Variants in KIF5B observed in about 807,000 individuals in gnomAD.
The protein encoded by KIF5B is kinesin family member 5B.
In KIF5B, 49 loss-of-function variants were observed where a neutral mutation model predicts 132.8. The observed-to-expected ratio is 0.37, with a 90% CI of 0.29 to 0.47. The LOEUF (loss-of-function observed/expected upper bound fraction) is 0.47, where lower values mean the gene tolerates loss of function less well. Ranked by LOEUF, KIF5B falls within the 20% of genes least tolerant of loss-of-function variation. KIF5B has a pLI of 1.00. For missense variants in KIF5B, 780 were observed against 1,144.0 expected (o/e 0.68, Z 4.59); for synonymous variants, 355 against 369.4 (o/e 0.96, Z 0.45).
At position 32,031,293 on chromosome 10, in the gene KIF5B, A is replaced by C. The variant is rs1286050295; in HGVS notation, c.1375-14T>G. The C allele has an allele frequency of 6.2e-7, 1 of 1,604,998 alleles. No individual in the cohort carries two copies. Among genetic ancestry groups the C allele is most frequent in the African/African-American group, 1.3e-5 (1 of 74,628 alleles). On this transcript the variant is annotated splice_polypyrimidine_tract_variant and intron_variant, in intron 13 of 25. Transcript: ENST00000302418. ...AGATGCCAAAAGCTATAGGACAGAAAATAATTTATTTTCCCCAAAAGTATA... is the reference window on the plus strand; with the variant it reads ...AGATGCCAAAAGCTATAGGACAGAACATAATTTATTTTCCCCAAAAGTATA...
rs139198215 is a variant in KIF5B at position 32,016,788 on chromosome 10, G to A, written c.2761+355C>T. Among the ~76,000 whole-genome samples, 537 of 152,236 alleles carry A rather than the reference G, an allele frequency of 3.5e-3. 4 individuals are homozygous for A. The highest frequency in any genetic ancestry group is 0.012 in the African/African-American group (486 of 41,566). On this transcript the variant is annotated intron_variant, in intron 24 of 25. Coordinates refer to ENST00000302418, the MANE Select transcript of KIF5B (RefSeq NM_004521.3). ...TGACCTCAGGTGATCCACCCGCCTC[G>A]ACCTCCCAAAGTGTTGGGATTACAG...
rs1000927652 is a variant in KIF5B, at chr10:32,035,899, A to G, written c.807T>C (p.Ala269=). The change falls in exon 9 of 26, where the codon GCT becomes GCC. Residue 269 remains alanine (A), a synonymous_variant. Transcript: ENST00000302418. ...SALGNVISAL[A]EGSTYVPYRD... Reference sequence around the variant, plus strand: ...AGACATGTATACTCACACTACCCTCAGCCAAAGCAGAAATAACATTTCCAA... The same window carrying G: ...AGACATGTATACTCACACTACCCTCGGCCAAAGCAGAAATAACATTTCCAA... The G allele has an allele frequency of 5.0e-6, 8 of 1,611,512 alleles. No individual in the cohort carries two copies. The African/African-American group carries it at 9.4e-5, about 19-fold the overall frequency.
chr10:32,044,122 A>G (rs948904067), intron 2 of KIF5B, among the ~76,000 whole-genome samples: 33 of 152,166 alleles, frequency 2.2e-4, no homozygotes, highest in African/African-American at 7.0e-4. Context: ...CTTGTCCAGG[A>G]CAAGTCCCAC....
At position 32,021,054 on chromosome 10, in the gene KIF5B, T is replaced by C. The variant is rs765851002; in HGVS notation, c.2172A>G (p.Glu724=). 6.8e-6 allele frequency: 11 copies of C among 1,612,238 alleles called. No homozygotes were observed. The Admixed American group carries it at 1.7e-4, about 24-fold the overall frequency. Reference sequence around the variant, plus strand: ...GATCAGTAATAAGTTTTGCTTTTGCTTCTACTTCATCTCTCAAACTACTGA... The same window carrying C: ...GATCAGTAATAAGTTTTGCTTTTGCCTCTACTTCATCTCTCAAACTACTGA... ...KQISSLRDEV[E]AKAKLITDLQ... The change falls in exon 19 of 26, where the codon GAA becomes GAG. Residue 724 remains glutamate (E), a synonymous_variant. Coordinates refer to ENST00000302418, the MANE Select transcript of KIF5B (RefSeq NM_004521.3).
Position 32,032,645 on chromosome 10 carries a change from G to A in KIF5B, c.1374+61C>T, listed in dbSNP as rs150709103. 5.5e-6 allele frequency: 7 copies of A among 1,272,724 alleles called. No homozygotes were observed. The African/African-American group carries it at 8.8e-5, about 16-fold the overall frequency. 78.8% of individuals were successfully genotyped at this position (1,272,724 alleles called of 1,614,324 possible). ...ACAACTATTAAAGACAAAGTCAATG[G>A]GATTCAGAAAACAAAACTATAAAGC... is the stretch of plus-strand genomic sequence containing the variant. On this transcript the variant is annotated intron_variant, in intron 13 of 25. Coordinates refer to ENST00000302418, the MANE Select transcript of KIF5B (RefSeq NM_004521.3).
rs1841398135 is a variant in KIF5B at position 32,031,149 on chromosome 10, T to A, written c.1505A>T (p.Tyr502Phe). The A allele has an allele frequency of 6.2e-7, 1 of 1,613,902 alleles. No individual in the cohort carries two copies. Among genetic ancestry groups the A allele is most frequent in the Admixed American group, 1.7e-5 (1 of 60,002 alleles). The part of the protein sequence containing the change: ...LQALEELAVN[Y>F]DQKSQEVEDK... Reference sequence around the variant, plus strand: ...TTCAACTTCCTGAGACTTCTGATCATAATTGACAGCAAGTTCTTCTAGGGC... The same window carrying A: ...TTCAACTTCCTGAGACTTCTGATCAAAATTGACAGCAAGTTCTTCTAGGGC... Residue 502 changes from tyrosine to phenylalanine, a missense_variant, in exon 14 of 26, where the codon TAT becomes TTT. Tyr to Phe is a conservative substitution (Grantham distance 22). Around this residue, in one of 9 missense-constraint regions of KIF5B, gnomAD observed 471 missense variants for 569.9 expected, o/e 0.83. Transcript: ENST00000302418.
chr10:32,037,062 C>T (rs1168925934), intron 8 of KIF5B, among the ~76,000 whole-genome samples, 192 bp downstream of exon 8: 1 of 152,150 alleles, frequency 6.6e-6, no homozygotes, highest in East Asian at 1.9e-4. Context: ...AGAGTATGGT[C>T]AAACAACAGT....
rs559963166 is a variant in KIF5B, at chr10:32,049,515, C to T, written c.127-964G>A. On this transcript the variant is annotated intron_variant, in intron 1 of 25. Transcript: ENST00000302418. ...GGGAGGATACTTAAAGATCCTAAGGCAGAAAGAACAGTGTAGCATTCAAGA... is the reference window on the plus strand; with the variant it reads ...GGGAGGATACTTAAAGATCCTAAGGTAGAAAGAACAGTGTAGCATTCAAGA... 6.6e-5 allele frequency among the ~76,000 whole-genome samples: 10 copies of T among 152,190 alleles called. No homozygotes were observed. In the South Asian group the frequency reaches 2.1e-3, roughly 32 times the overall value.
At chr10:32,019,782 C>CTA in intron 20 of KIF5B, 76 bp downstream of exon 20, 1 of 949,136 alleles carries the variant, frequency 1.1e-6, no homozygotes, top group Non-Finnish European at 1.6e-6. Context: ...TATCCACTGG[C>CTA]TATATCCAAA....
rs533869037 is a variant in KIF5B, at chr10:32,021,217, C to T, written c.2094+9G>A. On this transcript the variant is annotated intron_variant, in intron 18 of 25. Transcript: ENST00000302418. ...ATTAAAGCTGTTAGAAATGTGACAT[C>T]AAACTTGCCTTAACTTCATTTGCAG... 3 of 1,611,922 alleles carry T rather than the reference C, an allele frequency of 1.9e-6. No individual in the cohort carries two copies. The highest frequency in any genetic ancestry group is 3.3e-5 in the Admixed American group (2 of 60,016).
intron 8 of KIF5B, among the ~76,000 whole-genome samples, chr10:32,036,319 T>C (rs892579230): frequency 1.3e-5 from 2 of 152,240 alleles, no homozygotes; most frequent in African/African-American, 4.8e-5. Flanking sequence ...ATGCATAATG[T>C]TGATGTTGTA....
intron 1 of KIF5B, among the ~76,000 whole-genome samples, chr10:32,055,545 GA>G (rs1841744637): frequency 6.7e-6 from 1 of 150,036 alleles, no homozygotes. Context: ...CACACACGCA[GA>G]CAAACGTGCA....
intron 20 of KIF5B, among the ~76,000 whole-genome samples, chr10:32,019,160 T>C (rs904797653): frequency 6.6e-6 from 1 of 152,228 alleles, no homozygotes; most frequent in African/African-American, 2.4e-5. Flanking sequence ...CTGCTATTTA[T>C]CCAAAATGAT....
At chr10:32,030,559 T>C (rs1458208543) in intron 14 of KIF5B, among the ~76,000 whole-genome samples, 2 of 151,912 alleles carry the variant, frequency 1.3e-5, no homozygotes, top group Non-Finnish European at 2.9e-5. Context: ...ACCACTACAC[T>C]GTGCTAAAAA....
chr10:32,021,892 A>G (rs1315297812), intron 17 of KIF5B, among the ~76,000 whole-genome samples: 3 of 152,150 alleles, frequency 2.0e-5, no homozygotes, highest in Non-Finnish European at 4.4e-5. Context: ...GAATCACTGG[A>G]ACCCAGGAGG....
intron 7 of KIF5B, 61 bp from the exon 8 acceptor site, chr10:32,037,439 G>T: frequency 6.3e-7 from 1 of 1,598,288 alleles, no homozygotes; most frequent in Non-Finnish European, 8.6e-7. Flanking sequence ...CAATTTCCCT[G>T]AAGCAATCTT....
intron 12 of KIF5B, 94 bp from the exon 13 acceptor site, chr10:32,032,868 A>G: frequency 1.1e-6 from 1 of 880,314 alleles, no homozygotes; most frequent in Non-Finnish European, 1.9e-6. Context: ...CCCCAGAAAT[A>G]TTTCAAAACC....
At chr10:32,049,785 G>A (rs1322961924) in intron 1 of KIF5B, among the ~76,000 whole-genome samples, 2 of 152,030 alleles carry the variant, frequency 1.3e-5, no homozygotes, top group African/African-American at 4.8e-5. Context: ...TAATTTTCAA[G>A]GAGGGAGTGA....
rs751876346 is a variant in KIF5B at position 32,039,409 on chromosome 10, C to G, written c.311G>C (p.Gly104Ala). The G allele has an allele frequency of 8.0e-6, 12 of 1,503,822 alleles. No individual in the cohort carries two copies. In the Admixed American group the frequency reaches 8.1e-5, roughly 10 times the overall value. 93.2% of individuals were successfully genotyped at this position (1,503,822 alleles called of 1,614,324 possible). A position where few individuals can be genotyped will look rare whatever the true frequency, so the allele number is the denominator to read the frequency against. ...CACTATTCTTGGAATAATTCCCATGCCTTCTGGATCATGAAGTTTACCCTA... is the reference window on the plus strand; with the variant it reads ...CACTATTCTTGGAATAATTCCCATGGCTTCTGGATCATGAAGTTTACCCTA... ...TMEGKLHDPE[G>A]MGIIPRIVQD... is the part of the protein sequence containing the mutation. The change falls in exon 4 of 26, where the codon GGC becomes GCC. Residue 104 changes from glycine (G) to alanine (A), a missense_variant. By Grantham distance (60) the Gly-to-Ala change is moderately conservative. This residue lies in a region of KIF5B where 76 missense variants were observed against 146.4 expected (regional missense o/e 0.52). Transcript: ENST00000302418.
Sources: gnomAD v4.1 joint callset for allele counts (sites outside exome capture counted in the v4.1 genomes callset) on GRCh38, gnomAD v4.1.1 for gene constraint, gnomAD v4.1.1 regional missense constraint, MANE v1.5 for transcripts, NCBI Gene and HGNC (gene_info 2026-07-23, HGNC 2026-07-21) for gene names.